The following BICC1 variants were observed in gnomAD, a reference collection of about 807,000 sequenced individuals.
The protein encoded by BICC1 is protein bicaudal C homolog 1.
A neutral mutation model predicts 111.0 loss-of-function variants in BICC1; 43 were observed. The observed-to-expected ratio is 0.39, with a 90% confidence interval of 0.30 to 0.50. The LOEUF (loss-of-function observed/expected upper bound fraction) is 0.50, where lower values mean the gene tolerates loss of function less well. BICC1 is among the 20% of genes least tolerant of loss of function. BICC1 has a pLI of 0.88. For missense variants in BICC1, 1,091 were observed against 1,203.2 expected, an observed-to-expected ratio of 0.91 and a Z score of 1.38; for synonymous variants, 467 against 434.4, an observed-to-expected ratio of 1.07 and a Z score of -0.93.
intron 1 of BICC1, among the ~76,000 whole-genome samples, chr10:58,559,832 T>C (rs2131944543): frequency 6.6e-6 from 1 of 152,210 alleles, no homozygotes; most frequent in East Asian, 1.9e-4. Context: ...TTTTTCTGTG[T>C]TTATAGAAAT....
At chr10:58,622,920 T>C (rs1287653679) in intron 2 of BICC1, among the ~76,000 whole-genome samples, 2 of 152,224 alleles carry the variant, frequency 1.3e-5, no homozygotes, top group Non-Finnish European at 2.9e-5. Flanking sequence ...TCTAAAATAA[T>C]GCAAATATGA....
intron 2 of BICC1, among the ~76,000 whole-genome samples, chr10:58,633,643 T>C (rs1377922587): frequency 3.3e-5 from 5 of 152,176 alleles, no homozygotes; most frequent in Non-Finnish European, 7.3e-5. Flanking sequence ...CTTTTGATGA[T>C]ATGCAGTTTA....
intron 18 of BICC1, among the ~76,000 whole-genome samples, chr10:58,815,119 A>G (rs1340944474): frequency 1.3e-5 from 2 of 152,096 alleles, no homozygotes. Context: ...GGTTTTTGAC[A>G]AATTTGGAAT....
chr10:58,826,477 TGCGGTG>T (rs1250906067), intron 20 of BICC1, among the ~76,000 whole-genome samples: 1 of 148,946 alleles, frequency 6.7e-6, no homozygotes, highest in African/African-American at 2.5e-5. Context: ...GGAGGCCGGG[TGCGGTG>T]GCTCATGCCT....
intron 3 of BICC1, among the ~76,000 whole-genome samples, chr10:58,729,216 G>A (rs939583485): frequency 1.7e-4 from 26 of 152,108 alleles, no homozygotes; most frequent in Admixed American, 1.3e-3. Context: ...TTTTGTCTAC[G>A]TTGAAAATTT....
intron 3 of BICC1, among the ~76,000 whole-genome samples, chr10:58,768,228 C>T (rs755589775): frequency 3.3e-5 from 5 of 152,140 alleles, no homozygotes; most frequent in Admixed American, 6.6e-5. Context: ...AGAAGACTGT[C>T]AGTTAGACTA....
intron 1 of BICC1, among the ~76,000 whole-genome samples, chr10:58,578,091 T>G (rs978370076): frequency 6.6e-6 from 1 of 152,214 alleles, no homozygotes; most frequent in African/African-American, 2.4e-5. Context: ...AAAATACTTA[T>G]GGACCTGTAA....
intron 1 of BICC1, among the ~76,000 whole-genome samples, chr10:58,608,216 C>T (rs1206390361): frequency 6.6e-6 from 1 of 152,132 alleles, no homozygotes; most frequent in Non-Finnish European, 1.5e-5. Flanking sequence ...CCCCACCTCT[C>T]CTGCTTCCAC....
chr10:58,726,596 C>G (rs1055176045), intron 3 of BICC1, among the ~76,000 whole-genome samples: 1 of 152,186 alleles, frequency 6.6e-6, no homozygotes, highest in Admixed American at 6.5e-5. Flanking sequence ...TTAAGTCTTT[C>G]TGATTTCAAC....
chr10:58,744,734 T>G (rs1690380500), intron 3 of BICC1, among the ~76,000 whole-genome samples: 1 of 152,124 alleles, frequency 6.6e-6, no homozygotes, highest in South Asian at 2.1e-4. Context: ...AATTCAGATG[T>G]CTCTCTCTGA....
intron 3 of BICC1, among the ~76,000 whole-genome samples, chr10:58,729,460 A>G (rs541460316): frequency 1.2e-4 from 18 of 152,302 alleles, no homozygotes; most frequent in African/African-American, 4.3e-4. Flanking sequence ...GCTCTGGATT[A>G]GGCTTTGTTG....
intron 3 of BICC1, among the ~76,000 whole-genome samples, chr10:58,730,774 C>A (rs1189660420): frequency 6.6e-6 from 1 of 152,072 alleles, no homozygotes; most frequent in East Asian, 1.9e-4. Flanking sequence ...TACCTTTGCT[C>A]TTTTGAGTCA....
At chr10:58,599,491 G>T (rs1004228159) in intron 1 of BICC1, among the ~76,000 whole-genome samples, 8 of 152,052 alleles carry the variant, frequency 5.3e-5, no homozygotes, top group Admixed American at 5.2e-4. Context: ...CACACACTGC[G>T]GCTTGTCAGT....
intron 2 of BICC1, among the ~76,000 whole-genome samples, chr10:58,626,298 T>C (rs1837622064): frequency 6.6e-6 from 1 of 152,192 alleles, no homozygotes; most frequent in Non-Finnish European, 1.5e-5. Context: ...TACCGATCAC[T>C]ATACTATTGC....
At chr10:58,637,977 T>C (rs1838001608) in intron 2 of BICC1, among the ~76,000 whole-genome samples, 1 of 152,070 alleles carries the variant, frequency 6.6e-6, no homozygotes, top group African/African-American at 2.4e-5. Context: ...GGGACTGATA[T>C]TAGGAAATTA....
At chr10:58,798,706 A>C in intron 11 of BICC1, 146 bp downstream of exon 11, 1 of 737,756 alleles carries the variant, frequency 1.4e-6, no homozygotes, top group Non-Finnish European at 2.1e-6. Context: ...CTGATATGTA[A>C]ATTAGTTAAA....
At chr10:58,638,491 T>C (rs902078982) in intron 2 of BICC1, among the ~76,000 whole-genome samples, 3 of 152,218 alleles carry the variant, frequency 2.0e-5, no homozygotes, top group African/African-American at 7.2e-5. Flanking sequence ...TGTCTCAGGC[T>C]CCTTTCCCCA....
chr10:58,642,784 A>G (rs987675035), intron 2 of BICC1, among the ~76,000 whole-genome samples: 19 of 151,966 alleles, frequency 1.3e-4, no homozygotes, highest in Non-Finnish European at 2.5e-4. Flanking sequence ...GGCTTACTGC[A>G]GTCTTGACCT....
In BICC1 at chr10:58,713,679, A is replaced by C. The variant is rs1840647312; in HGVS notation, c.307+11536A>C. 2.0e-5 allele frequency among the ~76,000 whole-genome samples: 3 copies of C among 152,232 alleles called. No homozygotes were observed. The South Asian group carries it at 6.2e-4, about 32-fold the overall frequency. ...CACACACAAAAAATAAAGATTTACT[A>C]ACACATTTATTTAAGAAAACTCAGA... On this transcript the variant is annotated intron_variant, in intron 3 of 20. Coordinates refer to ENST00000373886, the MANE Select transcript of BICC1 (RefSeq NM_001080512.3).
Sources: allele counts gnomAD v4.1 joint callset (sites outside exome capture counted in the v4.1 genomes callset), GRCh38; gene constraint gnomAD v4.1.1; transcripts MANE v1.5; gene names NCBI Gene and HGNC (gene_info 2026-07-23, HGNC 2026-07-21).